DCHS2: variants seen among roughly 807,000 people sequenced by gnomAD.
DCHS2 encodes dachsous cadherin-related 2, also known as protocadherin-23.
A neutral mutation model predicts 182.4 loss-of-function variants in DCHS2; 142 were observed. That is an observed-to-expected ratio of 0.78 (90% CI 0.68 to 0.89). The LOEUF (loss-of-function observed/expected upper bound fraction) is 0.89, where lower values mean the gene tolerates loss of function less well. Among genes scored for constraint, DCHS2 ranks in the 40% least tolerant of loss-of-function variants. DCHS2 has a pLI of 0.00. For missense variants in DCHS2, 4,319 were observed against 4,198.6 expected (o/e 1.03, Z -0.79); for synonymous variants, 1,740 against 1,663.3 (o/e 1.05, Z -1.12).
Position 154,234,624 on chromosome 4 carries a change from G to T in DCHS2, c.10028C>A (p.Ser3343Tyr). ...TAATTCTCCTTCTCTCAACAGTGGA[G>T]ACAAGGCAGGAGGCTGCATCGTCAA... Reference protein sequence around the residue: ...SLLTMQPPALSPLLREGELLG... With the variant: ...SLLTMQPPALYPLLREGELLG... Residue 3343 changes from serine to tyrosine, a missense_variant, in exon 20 of 20, where the codon TCT becomes TAT. Coordinates refer to ENST00000357232, the MANE Select transcript of DCHS2 (RefSeq NM_001358235.2). 2 of 1,614,042 alleles carry T rather than the reference G, an allele frequency of 1.2e-6. No individual in the cohort carries two copies. Among genetic ancestry groups the T allele is most frequent in the Non-Finnish European group, 1.7e-6 (2 of 1,179,948 alleles).
intron 2 of DCHS2, among the ~76,000 whole-genome samples, chr4:154,375,710 T>A (rs1422552459): frequency 1.3e-5 from 2 of 152,124 alleles, no homozygotes; most frequent in African/African-American, 4.8e-5. Flanking sequence ...GCAAATGAAA[T>A]TTTCATACTT....
At chr4:154,473,380 C>T in intron 1 of DCHS2, among the ~76,000 whole-genome samples, 1 of 152,062 alleles carries the variant, frequency 6.6e-6, no homozygotes, top group East Asian at 1.9e-4. Flanking sequence ...TGCCGAGTGA[C>T]CAGCTGCAAG....
Position 154,315,799 on chromosome 4 carries a change from G to T in DCHS2, c.5209C>A (p.Gln1737Lys). 1.9e-6 allele frequency: 3 copies of T among 1,613,990 alleles called. No homozygotes were observed. Among genetic ancestry groups the T allele is most frequent in the East Asian group, 4.5e-5 (2 of 44,870 alleles). Residue 1737 changes from glutamine to lysine, a missense_variant, in exon 10 of 20, where the codon CAA becomes AAA. Transcript: ENST00000357232. ...CTGGTAACAAACTCCCCTGGATTTT[G>T]GTTTTCTTTCACTGAGGCTTCATAC... Reference protein sequence around the residue: ...HLYEASVKENQNPGEFVTRVE... With the variant: ...HLYEASVKENKNPGEFVTRVE...
intron 1 of DCHS2, among the ~76,000 whole-genome samples, chr4:154,400,919 T>C (rs1732148992): frequency 6.6e-6 from 1 of 152,228 alleles, no homozygotes; most frequent in Non-Finnish European, 1.5e-5. Flanking sequence ...TTCTCATCAC[T>C]TTCATTGCAG....
At chr4:154,419,177 C>T (rs1732993885) in intron 1 of DCHS2, among the ~76,000 whole-genome samples, 1 of 152,142 alleles carries the variant, frequency 6.6e-6, no homozygotes, top group Non-Finnish European at 1.5e-5. Context: ...CCTCAGTTTA[C>T]TTAGTAGTTG....
At chr4:154,443,226 C>T (rs1300767262) in intron 1 of DCHS2, among the ~76,000 whole-genome samples, 2 of 152,214 alleles carry the variant, frequency 1.3e-5, no homozygotes, top group African/African-American at 4.8e-5. Flanking sequence ...AGATATTTCT[C>T]TAGACCAATA....
chr4:154,435,665 TA>T (rs1480676624), intron 1 of DCHS2, among the ~76,000 whole-genome samples: 1 of 151,278 alleles, frequency 6.6e-6, no homozygotes, highest in Non-Finnish European at 1.5e-5. Context: ...CTCTGGCCAA[TA>T]AAAAAAGGGT....
At position 154,234,414 on chromosome 4, in the gene DCHS2, T is replaced by TAAC. The variant is rs1438441797; in HGVS notation, c.*119_*121dup. ...TTTAATGGGGAAGTTTTAAAAACTC[T>TAAC]AACTAAATTACATCACTTGCTTTTA... On this transcript the variant is annotated 3_prime_UTR_variant, in exon 20 of 20. Coordinates refer to ENST00000357232, the MANE Select transcript of DCHS2 (RefSeq NM_001358235.2). The TAAC allele has an allele frequency of 3.0e-6, 4 of 1,349,084 alleles. No homozygotes were observed. In the African/African-American group the frequency reaches 5.9e-5, roughly 20 times the overall value. The allele number at this position is 1,349,084 out of a possible 1,614,324, so 83.6% of individuals were successfully genotyped here.
chr4:154,425,856 A>T (rs1443648848), intron 1 of DCHS2, among the ~76,000 whole-genome samples: 1 of 152,142 alleles, frequency 6.6e-6, no homozygotes, highest in Admixed American at 6.6e-5. Context: ...ACAGTCTGAG[A>T]GCTGTTCTGG....
At chr4:154,352,506 C>T (rs1303060982) in intron 3 of DCHS2, 1 of 152,140 alleles carries the variant, frequency 6.6e-6, no homozygotes, top group Non-Finnish European at 1.5e-5. Context: ...TCCTCTTGGG[C>T]CTCTTTCATG....
intron 1 of DCHS2, among the ~76,000 whole-genome samples, chr4:154,462,451 G>A (rs757345187): frequency 7.9e-5 from 12 of 152,134 alleles, no homozygotes; most frequent in African/African-American, 2.2e-4. Context: ...GAAAGATGGC[G>A]TCATTATTTA....
chr4:154,392,337 A>G (rs983873782), intron 1 of DCHS2, among the ~76,000 whole-genome samples: 1 of 152,222 alleles, frequency 6.6e-6, no homozygotes, highest in African/African-American at 2.4e-5. Flanking sequence ...CCCAGAATTT[A>G]TGCACAGAGG....
intron 13 of DCHS2, among the ~76,000 whole-genome samples, chr4:154,296,052 A>G (rs1350032899): frequency 4.6e-5 from 7 of 152,198 alleles, no homozygotes; most frequent in Non-Finnish European, 7.3e-5. Context: ...CGGGGTATCA[A>G]TATCATTCAT....
Position 154,239,257 on chromosome 4 carries a change from G to C in DCHS2, c.7405C>G (p.Leu2469Val). 1 of 1,613,494 alleles carries C rather than the reference G, an allele frequency of 6.2e-7. No individual in the cohort carries two copies. The highest frequency in any genetic ancestry group is 8.5e-7 in the Non-Finnish European group (1 of 1,179,702). ...TTGCTTTCTAAGTCTGTGGCTGACA[G>C]AGTCAGCACTGAATACCCCACAGGT... ...SIPVGYSVLT[L>V]SATDLESNEN... The change falls in exon 19 of 20, where the codon CTG (leucine) becomes GTG (valine). Residue 2469 changes from leucine (L) to valine (V), a missense_variant. Leu to Val is a conservative substitution (Grantham distance 32). Transcript: ENST00000357232.
chr4:154,272,012 T>G (rs1733624018), intron 13 of DCHS2, among the ~76,000 whole-genome samples: 2 of 152,182 alleles, frequency 1.3e-5, no homozygotes, highest in South Asian at 2.1e-4. Context: ...CCTCTTAAAT[T>G]TCATACATTT....
intron 9 of DCHS2, 93 bp from the exon 10 acceptor site, chr4:154,316,080 A>G: frequency 6.6e-7 from 1 of 1,525,220 alleles, no homozygotes; most frequent in Non-Finnish European, 8.8e-7. Context: ...CTACCTAATA[A>G]AAATTCAGAA....
At position 154,490,945 on chromosome 4, in the gene DCHS2, G is replaced by C. The variant is rs937757972; in HGVS notation, c.411C>G (p.Asp137Glu). The change falls in exon 1 of 20, where the codon GAC (aspartate) becomes GAG (glutamate). Residue 137 changes from aspartate to glutamate, a missense_variant. Physicochemically the swap from Asp to Glu is conservative, Grantham distance 45. Coordinates refer to ENST00000357232, the MANE Select transcript of DCHS2 (RefSeq NM_001358235.2). ...TARRLDRERR[D>E]HYSFVAATLL... Reference sequence around the variant, plus strand: ...GCGTGGCGGCGACGAAGCTGTAGTGGTCCCGCCGCTCGCGGTCCAGGCGCC... The same window carrying C: ...GCGTGGCGGCGACGAAGCTGTAGTGCTCCCGCCGCTCGCGGTCCAGGCGCC... The C allele has an allele frequency of 6.4e-7, 1 of 1,550,390 alleles. No individual in the cohort carries two copies. The highest frequency in any genetic ancestry group is 2.0e-5 in the Admixed American group (1 of 50,984).
At chr4:154,390,059 GAACT>G (rs1731615712) in intron 1 of DCHS2, among the ~76,000 whole-genome samples, 1 of 151,816 alleles carries the variant, frequency 6.6e-6, no homozygotes, top group Admixed American at 6.6e-5. Flanking sequence ...TTATTTCAGT[GAACT>G]GACCTAGGCT....
chr4:154,391,028 G>C, intron 1 of DCHS2: 1 of 692,756 alleles, frequency 1.4e-6, no homozygotes, highest in Non-Finnish European at 2.3e-6. Context: ...GAGGATCCTA[G>C]CTAAGTATTT....
Sources: gnomAD v4.1 joint callset for allele counts (sites outside exome capture counted in the v4.1 genomes callset) on GRCh38, gnomAD v4.1.1 for gene constraint, MANE v1.5 for transcripts, NCBI Gene and HGNC (gene_info 2026-07-23, HGNC 2026-07-21) for gene names.